Variants in SCARA3 observed in about 807,000 individuals in gnomAD.
SCARA3 encodes the protein cellular stress response gene protein.
Under a neutral mutation model 47.0 loss-of-function variants are expected in SCARA3, and 39 were observed. The observed-to-expected ratio is 0.83, with a 90% CI of 0.64 to 1.08. The LOEUF is 1.08. Ranked by LOEUF, SCARA3 falls within the 50% of genes least tolerant of loss-of-function variation. The pLI, the probability that SCARA3 is intolerant of heterozygous loss-of-function variation, is 0.00. For missense variants in SCARA3, 724 were observed against 792.3 expected (o/e 0.91, Z 1.04); for synonymous variants, 356 against 334.1 (o/e 1.07, Z -0.71).
the SCARA3 span, among the ~76,000 whole-genome samples, chr8:27,715,864 A>AGATAGATG: frequency 1.1e-4 from 10 of 91,168 alleles, no homozygotes; most frequent in African/African-American, 4.7e-4. The surrounding 1 kb of genome is among the most constrained non-coding windows in gnomAD (Gnocchi z 4.2). Flanking sequence ...ATAGATAGAT[A>AGATAGATG]CATAGATAGA....
the SCARA3 span, among the ~76,000 whole-genome samples, chr8:27,706,944 G>A: frequency 1.3e-5 from 2 of 152,088 alleles, no homozygotes; most frequent in Non-Finnish European, 2.9e-5. Context: ...GGCATAGGAT[G>A]GAAAGCCACC....
downstream of SCARA3, among the ~76,000 whole-genome samples, chr8:27,677,934 C>A (rs999898821): frequency 6.6e-6 from 1 of 152,142 alleles, no homozygotes; most frequent in East Asian, 1.9e-4. Context: ...AAATAACACA[C>A]TTCTAGTTGC....
chr8:27,658,652 C>G lies in SCARA3; in HGVS notation c.482C>G (p.Ser161Cys), dbSNP rs756916224. The change falls in exon 5 of 6, where the codon TCC becomes TGC. Residue 161 changes from serine (S) to cysteine (C), a missense_variant. Physicochemically the swap from Ser to Cys is moderately radical, Grantham distance 112. Transcript: ENST00000301904. ...DQTLQAQEVLSTTSRQISQEM... is the reference protein window; with the variant it reads ...DQTLQAQEVLCTTSRQISQEM... ...ACCTTACAGGCCCAGGAGGTGCTCT[C>G]CACCACCAGCAGACAAATCTCCCAG... 1.9e-6 allele frequency: 3 copies of G among 1,614,138 alleles called. No individual in the cohort carries two copies. The East Asian group carries it at 6.7e-5, about 36-fold the overall frequency.
chr8:27,652,939 A>G (rs958035212), intron 3 of SCARA3, among the ~76,000 whole-genome samples: 6 of 152,168 alleles, frequency 3.9e-5, no homozygotes, highest in Non-Finnish European at 7.3e-5. Flanking sequence ...CCGCAGCTAG[A>G]TTTAAGAACC....
rs10591337 is a variant in SCARA3 at position 27,635,621 on chromosome 8, A to ATT, written c.7+1427_7+1428dup. On this transcript the variant is annotated intron_variant, in intron 1 of 5. Transcript: ENST00000301904. ...TACAGGTGTGCACCACCATGCATGG[A>ATT]TTTTTTTTTTTTTTGATAGATATGG... 8.1e-3 allele frequency among the ~76,000 whole-genome samples: 1,200 copies of ATT among 147,496 alleles called. 9 individuals carry two copies. Among genetic ancestry groups the ATT allele is most frequent in the Non-Finnish European group, 0.012 (837 of 67,014 alleles).
At chr8:27,647,185 GCA>G (rs1801522971) in intron 1 of SCARA3, among the ~76,000 whole-genome samples, 1 of 152,098 alleles carries the variant, frequency 6.6e-6, no homozygotes, top group Non-Finnish European at 1.5e-5. Context: ...GCAAGCACAG[GCA>G]CACACGCAGG....
chr8:27,635,069 A>C (rs1258040943), intron 1 of SCARA3, among the ~76,000 whole-genome samples: 7 of 152,156 alleles, frequency 4.6e-5, no homozygotes, highest in African/African-American at 1.7e-4. Context: ...TAGCAGTGAG[A>C]ACCTCACCAC....
the SCARA3 span, among the ~76,000 whole-genome samples, chr8:27,695,043 G>A: frequency 6.6e-6 from 1 of 152,114 alleles, no homozygotes; most frequent in African/African-American, 2.4e-5. Context: ...AAGGAGTTAT[G>A]AATTGAACCA....
the SCARA3 span, among the ~76,000 whole-genome samples, chr8:27,691,546 T>C: frequency 6.6e-6 from 1 of 152,128 alleles, no homozygotes; most frequent in Non-Finnish European, 1.5e-5. Context: ...TTGCACCCAG[T>C]GAACCGCTGT....
At chr8:27,691,812 A>G in the SCARA3 span, among the ~76,000 whole-genome samples, 33 of 152,222 alleles carry the variant, frequency 2.2e-4, no homozygotes, top group African/African-American at 7.5e-4. Context: ...CCAGTGCCTG[A>G]TCACAAAGCC....
At chr8:27,729,133 G>C in the SCARA3 span, among the ~76,000 whole-genome samples, 4 of 152,208 alleles carry the variant, frequency 2.6e-5, no homozygotes, top group African/African-American at 4.8e-5. Flanking sequence ...GTTCATCCAA[G>C]ATGGCATCTA....
chr8:27,732,356 C>A, the SCARA3 span, among the ~76,000 whole-genome samples: 2 of 152,176 alleles, frequency 1.3e-5, no homozygotes, highest in Non-Finnish European at 2.9e-5. Flanking sequence ...CAGGTCGGTG[C>A]CACTCAGCAC....
chr8:27,656,539 A>C (rs1801747331), intron 3 of SCARA3, among the ~76,000 whole-genome samples: 1 of 152,114 alleles, frequency 6.6e-6, no homozygotes, highest in African/African-American at 2.4e-5. Context: ...TCCCTGTTCC[A>C]TTCTGTGATC....
chr8:27,684,994 A>G, the SCARA3 span, among the ~76,000 whole-genome samples: 1 of 152,214 alleles, frequency 6.6e-6, no homozygotes, highest in Non-Finnish European at 1.5e-5. Flanking sequence ...AAGGGTAGAA[A>G]TCAGTGAAAT....
At chr8:27,720,618 C>CTCCATCCATCCATCCATCCA in the SCARA3 span, among the ~76,000 whole-genome samples, 5 of 145,366 alleles carry the variant, frequency 3.4e-5, no homozygotes, top group East Asian at 2.1e-4. Flanking sequence ...TCCTTTCTAT[C>CTCCATCCATCCATCCATCCA]TCCATCCATC....
In SCARA3 at chr8:27,634,139, G is replaced by A; in HGVS notation, c.-62G>A. 2.8e-6 allele frequency: 4 copies of A among 1,437,448 alleles called. No homozygotes were observed. The highest frequency in any genetic ancestry group is 2.7e-6 in the Non-Finnish European group (3 of 1,098,244). The allele number at this position is 1,437,448 out of a possible 1,614,324, so 89.0% of individuals were successfully genotyped here. A position where few individuals can be genotyped will look rare whatever the true frequency, so the allele number is the denominator to read the frequency against. On this transcript the variant is annotated 5_prime_UTR_variant, in exon 1 of 6. Transcript: ENST00000301904. The stretch of plus-strand genomic sequence containing the variant: ...GCCCTGGAGGATCCGCCGGCCGCCC[G>A]GCTCCACTACAGCTCCAGCCGCCTG...
chr8:27,649,904 C>A, intron 2 of SCARA3, 104 bp downstream of exon 2: 1 of 964,178 alleles, frequency 1.0e-6, no homozygotes, highest in Non-Finnish European at 1.5e-6. Flanking sequence ...GTTTCAAAAG[C>A]CTGGGTGTCC....
At chr8:27,638,314 TTGTGTGTGTGTG>T (rs55695492) in intron 1 of SCARA3, among the ~76,000 whole-genome samples, 6 of 146,678 alleles carry the variant, frequency 4.1e-5, no homozygotes, top group Non-Finnish European at 9.0e-5. Context: ...AATTTAGTGA[TTGTGTGTGTGTG>T]TGTGTGTGTG....
At chr8:27,660,856 A>T (rs2640733) in intron 5 of SCARA3, among the ~76,000 whole-genome samples, 48,834 of 151,540 alleles carry the variant, frequency 0.32, 8,955 homozygotes, top group South Asian at 0.48. Context: ...ATAGATAGAT[A>T]GATAGATAGA....
Sources: allele counts gnomAD v4.1 joint callset (sites outside exome capture counted in the v4.1 genomes callset), GRCh38; gene constraint gnomAD v4.1.1; non-coding constraint Gnocchi (gnomAD v3.1); transcripts MANE v1.5; gene names NCBI Gene and HGNC (gene_info 2026-07-23, HGNC 2026-07-21).